The following SMC6 variants were observed in gnomAD, a reference collection of about 807,000 sequenced individuals.
SMC6 encodes structural maintenance of chromosomes protein 6.
A neutral mutation model predicts 142.2 loss-of-function variants in SMC6; 79 were observed. That is an observed-to-expected ratio of 0.56 (90% confidence interval 0.46 to 0.67). The LOEUF is 0.67. Among genes scored for constraint, SMC6 ranks in the 30% least tolerant of loss-of-function variants. The pLI is 0.00. For missense variants in SMC6, 1,072 were observed against 1,284.0 expected, an observed-to-expected ratio of 0.83 and a Z score of 2.52; for synonymous variants, 411 against 412.4, an observed-to-expected ratio of 1.00 and a Z score of 0.04.
intron 16 of SMC6, among the ~76,000 whole-genome samples, chr2:17,709,441 T>A (rs1334159991): frequency 6.6e-6 from 1 of 152,152 alleles, no homozygotes; most frequent in East Asian, 1.9e-4. Context: ...TCAATAGCAC[T>A]GAAAAATGAA....
intron 2 of SMC6, among the ~76,000 whole-genome samples, chr2:17,749,699 A>C (rs528355248): frequency 6.6e-6 from 1 of 152,352 alleles, no homozygotes; most frequent in Non-Finnish European, 1.5e-5. Context: ...AAAAGAAAAA[A>C]AAAATTAATA....
intron 25 of SMC6, among the ~76,000 whole-genome samples, chr2:17,673,977 T>C (rs1244520130): frequency 6.6e-6 from 1 of 152,208 alleles, no homozygotes; most frequent in African/African-American, 2.4e-5. Flanking sequence ...TCATTACATA[T>C]ATGTATGATT....
Position 17,743,699 on chromosome 2 carries a change from G to C in SMC6, c.121-1970C>G, listed in dbSNP as rs140998937. 7.6e-4 allele frequency among the ~76,000 whole-genome samples: 115 copies of C among 152,160 alleles called. No homozygotes were observed. The East Asian group carries it at 0.022, about 29-fold the overall frequency. On this transcript the variant is annotated intron_variant, in intron 3 of 27. Transcript: ENST00000448223. ...GACATGTTTCCACCATTTTAGTATA[G>C]TACAGTTATTTTTACTGCGCTAAAA...
At chr2:17,715,154 C>T (rs1197208585) in intron 15 of SMC6, 89 bp from the exon 16 acceptor site, 2 of 1,229,016 alleles carry the variant, frequency 1.6e-6, no homozygotes, top group Non-Finnish European at 2.3e-6. Context: ...ATATAAATGA[C>T]TTATATTTTT....
chr2:17,703,273 C>G lies in SMC6; in HGVS notation c.2026G>C (p.Glu676Gln), dbSNP rs779256907. ...TTTAATATCTGGGCCGTCTTATTTT[C>G]AACCTCATTCTCCAAGTCACTTGAT... The part of the protein sequence containing the change: ...SEISDLENEV[E>Q]NKTAQILNLQ... Residue 676 changes from glutamate to glutamine, a missense_variant, in exon 19 of 28, where the codon GAA becomes CAA. By Grantham distance (29) the Glu-to-Gln change is conservative. Coordinates refer to ENST00000448223, the MANE Select transcript of SMC6 (RefSeq NM_001142286.2). 16 of 1,600,910 alleles carry G rather than the reference C, an allele frequency of 1.0e-5. No homozygotes were observed. Among genetic ancestry groups the G allele is most frequent in the Non-Finnish European group, 1.3e-5 (15 of 1,175,578 alleles).
chr2:17,698,570 T>C (rs1182136294), intron 21 of SMC6, among the ~76,000 whole-genome samples: 3 of 152,112 alleles, frequency 2.0e-5, no homozygotes, highest in Admixed American at 6.6e-5. Context: ...ATTTGCAAGA[T>C]ATACCATTTT....
At chr2:17,671,702 C>A (rs369006482) in intron 25 of SMC6, among the ~76,000 whole-genome samples, 1 of 144,640 alleles carries the variant, frequency 6.9e-6, no homozygotes, top group Admixed American at 6.8e-5. Flanking sequence ...TTTTAAATTT[C>A]TTTTAAAAGC....
chr2:17,750,126 G>A (rs559200600), intron 2 of SMC6, among the ~76,000 whole-genome samples: 166 of 152,314 alleles, frequency 1.1e-3, no homozygotes, highest in African/African-American at 3.9e-3. Context: ...ATAAAGCACA[G>A]CATTTCAGTT....
chr2:17,718,277 T>TA, intron 11 of SMC6, 54 bp from the exon 12 acceptor site: 3 of 1,289,952 alleles, frequency 2.3e-6, no homozygotes, highest in South Asian at 3.3e-5. Flanking sequence ...GAGAGAATTT[T>TA]AAAAAATAAT....
chr2:17,726,411 T>C lies in SMC6; in HGVS notation c.602A>G (p.Lys201Arg), dbSNP rs756439440. Reference sequence around the variant, plus strand: ...TACTTTGTATTTGTCTCCTTCATTTTTAGACTGTAAGAACTGCTTGCTCAT... The same window carrying C: ...TACTTTGTATTTGTCTCCTTCATTTCTAGACTGTAAGAACTGCTTGCTCAT... Reference protein sequence around the residue: ...QEMSKQFLQSKNEGDKYKFFM... With the variant: ...QEMSKQFLQSRNEGDKYKFFM... Residue 201 changes from lysine (K) to arginine (R), a missense_variant, in exon 8 of 28, where the codon AAA becomes AGA. Transcript: ENST00000448223. 2.5e-6 allele frequency: 4 copies of C among 1,612,366 alleles called. No individual in the cohort carries two copies. The highest frequency in any genetic ancestry group is 3.4e-6 in the Non-Finnish European group (4 of 1,179,500).
rs754791431 is a variant in SMC6 at position 17,716,067 on chromosome 2, G to A, written c.1525+19C>T. The A allele has an allele frequency of 1.5e-5, 22 of 1,455,146 alleles. No individual in the cohort carries two copies. The highest frequency in any genetic ancestry group is 1.7e-5 in the Non-Finnish European group (19 of 1,103,824). 90.1% of individuals were successfully genotyped at this position (1,455,146 alleles called of 1,614,324 possible). A position where few individuals can be genotyped will look rare whatever the true frequency, so the allele number is the denominator to read the frequency against. On this transcript the variant is annotated intron_variant, in intron 15 of 27. Coordinates refer to ENST00000448223, the MANE Select transcript of SMC6 (RefSeq NM_001142286.2). ...TATTTCTAAAGTTTATTATAACCTC[G>A]CTAAATTAAGACAAATACCTAAAGG...
chr2:17,706,513 T>A (rs200119764), intron 18 of SMC6, among the ~76,000 whole-genome samples: 1 of 60,704 alleles, frequency 1.6e-5, no homozygotes, highest in Non-Finnish European at 3.5e-5. Flanking sequence ...TTTATAATTC[T>A]TTTTTTTTTT....
At chr2:17,707,100 G>T in intron 18 of SMC6, 119 bp downstream of exon 18, 1 of 705,296 alleles carries the variant, frequency 1.4e-6, no homozygotes, top group Non-Finnish European at 2.1e-6. Context: ...TTAAGACCAA[G>T]CACTGAGATA....
chr2:17,707,339 G>A lies in SMC6; in HGVS notation c.1886C>T (p.Pro629Leu). The A allele has an allele frequency of 6.3e-7, 1 of 1,599,994 alleles. No individual in the cohort carries two copies. Among genetic ancestry groups the A allele is most frequent in the Admixed American group, 1.7e-5 (1 of 57,776 alleles). ...AAAAGCTTCTCTACAATTTTTGGGT[G>A]GCTTTTGGGACTGCATTACTGCACG... The part of the protein sequence containing the change: ...VARAVMQSQK[P>L]PKNCREAFTA... Residue 629 changes from proline (P) to leucine (L), a missense_variant, in exon 18 of 28, where the codon CCA (proline) becomes CTA (leucine). Around this residue, in one of 3 missense-constraint regions of SMC6, gnomAD observed 994 missense variants for 1,153.2 expected, o/e 0.86. Coordinates refer to ENST00000448223, the MANE Select transcript of SMC6 (RefSeq NM_001142286.2).
chr2:17,693,402 G>A (rs1040688505), intron 23 of SMC6, among the ~76,000 whole-genome samples: 2 of 152,128 alleles, frequency 1.3e-5, no homozygotes, highest in Non-Finnish European at 2.9e-5. Context: ...GTAGGGACAT[G>A]GATGAAGCTG....
chr2:17,721,532 G>C (rs1669375044), intron 9 of SMC6, among the ~76,000 whole-genome samples: 1 of 152,062 alleles, frequency 6.6e-6, no homozygotes, highest in Admixed American at 6.6e-5. Flanking sequence ...CAAATATAGA[G>C]AAATCCCAAA....
chr2:17,706,598 ATTCAGGCCCAAACC>A (rs1668523705), intron 18 of SMC6, among the ~76,000 whole-genome samples: 1 of 151,884 alleles, frequency 6.6e-6, no homozygotes, highest in Non-Finnish European at 1.5e-5. Context: ...TAAGTCATTA[ATTCAGGCCCAAACC>A]ATCAATTCAT....
chr2:17,734,511 T>TA (rs1670052608), intron 5 of SMC6, among the ~76,000 whole-genome samples: 1 of 151,466 alleles, frequency 6.6e-6, no homozygotes, highest in South Asian at 2.1e-4. Context: ...GAATATTTTA[T>TA]TTCATTAGCT....
rs530846143 is a variant in SMC6 at position 17,668,239 on chromosome 2, T to G, written c.3064-1722A>C. Among the ~76,000 whole-genome samples the G allele has an allele frequency of 2.4e-4, 36 of 152,280 alleles. 2 individuals are homozygous for G. In the South Asian group the frequency reaches 7.3e-3, roughly 31 times the overall value. ...CACCATTCTGGACAAAAACACTGCA[T>G]GGAAAGAATAATCATCTTCTATGAC... On this transcript the variant is annotated intron_variant, in intron 26 of 27. Coordinates refer to ENST00000448223, the MANE Select transcript of SMC6 (RefSeq NM_001142286.2).
Sources: allele counts gnomAD v4.1 joint callset (sites outside exome capture counted in the v4.1 genomes callset), GRCh38; gene constraint gnomAD v4.1.1; regional missense constraint gnomAD v4.1.1; transcripts MANE v1.5; gene names NCBI Gene and HGNC (gene_info 2026-07-23, HGNC 2026-07-21).